Variants in PPIP5K2 observed in about 807,000 individuals in gnomAD.
PPIP5K2 encodes inositol hexakisphosphate and diphosphoinositol-pentakisphosphate kinase 2.
PPIP5K2 carries 105 observed loss-of-function variants against 154.6 expected under a neutral mutation model. The observed-to-expected ratio is 0.68, with a 90% CI of 0.58 to 0.80. The LOEUF is 0.80. Ranked by LOEUF, PPIP5K2 falls within the 30% of genes least tolerant of loss-of-function variation. PPIP5K2 has a pLI of 0.00. For missense variants in PPIP5K2, 992 were observed against 1,504.6 expected, an observed-to-expected ratio of 0.66 and a Z score of 5.64; for synonymous variants, 480 against 490.3, an observed-to-expected ratio of 0.98 and a Z score of 0.28.
chr5:103,173,771 T>A lies in PPIP5K2; in HGVS notation c.2415-87T>A, dbSNP rs75705921. ...TGTGGTCTTTTACTTCTAGTGAAAT[T>A]ACATTTAATTTTAGAAAATAATTTC... is the stretch of plus-strand genomic sequence containing the variant. On this transcript the variant is annotated intron_variant, in intron 20 of 30. Coordinates refer to ENST00000358359, the MANE Select transcript of PPIP5K2 (RefSeq NM_001276277.3). The A allele has an allele frequency of 1.4e-3, 1,244 of 900,428 alleles. 17 individuals are homozygous for A. In the African/African-American group the frequency reaches 0.018, roughly 13 times the overall value. The allele number at this position is 900,428 out of a possible 1,614,324, so 55.8% of individuals were successfully genotyped here.
At chr5:103,143,737 C>T (rs190908982) in intron 5 of PPIP5K2, among the ~76,000 whole-genome samples, 7 of 152,008 alleles carry the variant, frequency 4.6e-5, no homozygotes, top group Non-Finnish European at 7.4e-5. Context: ...ATTAAACATC[C>T]CTTCATGATA....
Position 103,177,692 on chromosome 5 carries a change from G to C in PPIP5K2, c.2555G>C (p.Arg852Pro). The C allele has an allele frequency of 6.2e-7, 1 of 1,609,910 alleles. No individual in the cohort carries two copies. Among genetic ancestry groups the C allele is most frequent in the Non-Finnish European group, 8.5e-7 (1 of 1,178,318 alleles). Residue 852 changes from arginine to proline, a missense_variant, in exon 22 of 31, where the codon CGA becomes CCA. Physicochemically the swap from Arg to Pro is moderately radical, Grantham distance 103. Transcript: ENST00000358359. ...CNESKDEQWK[R>P]AMDYLNVVNE... ...GAATCAAAGGATGAACAGTGGAAACGAGCTATGGATTATTTAAACGTTGTC... is the reference window on the plus strand; with the variant it reads ...GAATCAAAGGATGAACAGTGGAAACCAGCTATGGATTATTTAAACGTTGTC...
rs545121950 is a variant in PPIP5K2 at position 103,135,743 on chromosome 5, G to C, written c.311-989G>C. Among the ~76,000 whole-genome samples the C allele has an allele frequency of 7.9e-5, 12 of 152,148 alleles. No individual in the cohort carries two copies. In the East Asian group the frequency reaches 1.7e-3, roughly 22 times the overall value. ...TGCACCTGGCATTAGTGCCAATATA[G>C]AGAATAAAATACAATCATTAAAATT... On this transcript the variant is annotated intron_variant, in intron 3 of 30. Coordinates refer to ENST00000358359, the MANE Select transcript of PPIP5K2 (RefSeq NM_001276277.3).
At position 103,209,231 on chromosome 5, in the gene PPIP5K2, A is replaced by G. The variant is rs1311811938; in HGVS notation, c.*7597A>G. The G allele has an allele frequency of 3.9e-5, 6 of 152,174 alleles. No homozygotes were observed. The highest frequency in any genetic ancestry group is 1.4e-4 in the African/African-American group (6 of 41,448). The allele number at this position is 152,174 out of a possible 1,614,324, so 9.4% of individuals were successfully genotyped here. A position where few individuals can be genotyped will look rare whatever the true frequency, so the allele number is the denominator to read the frequency against. ...AGCATTTTTATAGTCAAAGATGTACAAGATAGCTCCTAATGCTCTTTTATG... is the reference window on the plus strand; with the variant it reads ...AGCATTTTTATAGTCAAAGATGTACGAGATAGCTCCTAATGCTCTTTTATG... On this transcript the variant is annotated 3_prime_UTR_variant, in exon 31 of 31. Transcript: ENST00000358359.
chr5:103,137,105 A>G (rs1791632926), intron 4 of PPIP5K2, among the ~76,000 whole-genome samples: 1 of 151,982 alleles, frequency 6.6e-6, no homozygotes, highest in Admixed American at 6.6e-5. Flanking sequence ...CAAACTTATG[A>G]GCACTTTTTC....
intron 21 of PPIP5K2, chr5:103,176,771 G>A: frequency 1.6e-6 from 1 of 633,668 alleles, no homozygotes; most frequent in Non-Finnish European, 2.6e-6. Flanking sequence ...GAGTAGTTTT[G>A]CCTTTTCAGA....
chr5:103,130,423 T>C (rs2149457997), intron 2 of PPIP5K2, among the ~76,000 whole-genome samples: 1 of 152,328 alleles, frequency 6.6e-6, no homozygotes, highest in African/African-American at 2.4e-5. Context: ...GTTTTTCATA[T>C]ATTTCTAATT....
At chr5:103,187,802 T>A (rs1800631254) in intron 28 of PPIP5K2, among the ~76,000 whole-genome samples, 1 of 152,162 alleles carries the variant, frequency 6.6e-6, no homozygotes, top group Non-Finnish European at 1.5e-5. Flanking sequence ...GAGCCACCCA[T>A]GTCAAATAGC....
rs1476264376 is a variant in PPIP5K2, at chr5:103,211,243, A to T, written c.*9609A>T. The T allele has an allele frequency of 6.6e-6, 1 of 152,076 alleles. No individual in the cohort carries two copies. The highest frequency in any genetic ancestry group is 2.4e-5 in the African/African-American group (1 of 41,412). 9.4% of individuals were successfully genotyped at this position (152,076 alleles called of 1,614,324 possible). A position where few individuals can be genotyped will look rare whatever the true frequency, so the allele number is the denominator to read the frequency against. On this transcript the variant is annotated 3_prime_UTR_variant, in exon 31 of 31. Transcript: ENST00000358359. ...CAATGCTGCAACCACAAATAAAAAC[A>T]TTACTTACCCTATGAGAAAGACTAG...
At chr5:103,173,502 G>A (rs782081756) in intron 20 of PPIP5K2, among the ~76,000 whole-genome samples, 4 of 151,912 alleles carry the variant, frequency 2.6e-5, no homozygotes, top group Non-Finnish European at 4.4e-5. Context: ...ATAGGTCATC[G>A]TTCACATGGA....
In PPIP5K2 at chr5:103,159,320, T is replaced by G; in HGVS notation, c.1912T>G (p.Tyr638Asp). The change falls in exon 17 of 31, where the codon TAT becomes GAT. Residue 638 changes from tyrosine (Y) to aspartate (D), a missense_variant. Physicochemically the swap from Tyr to Asp is radical, Grantham distance 160. Coordinates refer to ENST00000358359, the MANE Select transcript of PPIP5K2 (RefSeq NM_001276277.3). ...QKDRDFTAED[Y>D]EKLTPSGSIS... ...AGACAGAGATTTTACTGCTGAAGAT[T>G]ATGAAAAGGTGGGTCTTAGCAAACT... is the stretch of plus-strand genomic sequence containing the variant. The G allele has an allele frequency of 1.2e-6, 2 of 1,604,240 alleles. No individual in the cohort carries two copies. Among genetic ancestry groups the G allele is most frequent in the Non-Finnish European group, 1.7e-6 (2 of 1,176,702 alleles).
At chr5:103,190,421 A>G (rs1432997205) in intron 28 of PPIP5K2, among the ~76,000 whole-genome samples, 2 of 152,030 alleles carry the variant, frequency 1.3e-5, no homozygotes, top group East Asian at 1.9e-4. Flanking sequence ...AAGTAATTAT[A>G]TAATTTTTCA....
rs938716925 is a variant in PPIP5K2, at chr5:103,208,457, G to A, written c.*6823G>A. 6.6e-6 allele frequency: 1 copy of A among 152,128 alleles called. No individual in the cohort carries two copies. Among genetic ancestry groups the A allele is most frequent in the South Asian group, 2.1e-4 (1 of 4,834 alleles). The allele number at this position is 152,128 out of a possible 1,614,324, so 9.4% of individuals were successfully genotyped here. A position where few individuals can be genotyped will look rare whatever the true frequency, so the allele number is the denominator to read the frequency against. On this transcript the variant is annotated 3_prime_UTR_variant, in exon 31 of 31. Transcript: ENST00000358359. ...GTGAATCTCCTTATGACAGGATTGT[G>A]GGTCTGAGAGAGCTGTTGTAGCCTT...
intron 30 of PPIP5K2, among the ~76,000 whole-genome samples, chr5:103,200,365 G>T (rs1029915327): frequency 2.0e-5 from 3 of 151,720 alleles, no homozygotes; most frequent in Non-Finnish European, 4.4e-5. Context: ...GCATATTAGG[G>T]CCTGTCCTCA....
At chr5:103,139,700 A>G (rs1792225772) in intron 5 of PPIP5K2, among the ~76,000 whole-genome samples, 1 of 152,240 alleles carries the variant, frequency 6.6e-6, no homozygotes, top group South Asian at 2.1e-4. Context: ...CCAGTTACCA[A>G]TCCTGGAGTG....
At chr5:103,148,633 T>G (rs1385378161) in intron 7 of PPIP5K2, among the ~76,000 whole-genome samples, 1 of 152,172 alleles carries the variant, frequency 6.6e-6, no homozygotes, top group African/African-American at 2.4e-5. Context: ...TATTTCAGTC[T>G]GTCCTCTCTT....
chr5:103,190,705 A>T, intron 28 of PPIP5K2, 137 bp from the exon 29 acceptor site: 1 of 631,236 alleles, frequency 1.6e-6, no homozygotes, highest in Non-Finnish European at 2.4e-6. Context: ...TCATGACTTC[A>T]GAGATATTGT....
chr5:103,136,965 C>T (rs911599487), intron 4 of PPIP5K2, 143 bp downstream of exon 4: 23 of 651,192 alleles, frequency 3.5e-5, no homozygotes, highest in Non-Finnish European at 5.4e-5. Context: ...TTATTTATTA[C>T]CTAATTTTAC....
rs140784482 is a variant in PPIP5K2, at chr5:103,138,552, G to T, written c.487+83G>T. On this transcript the variant is annotated intron_variant, in intron 5 of 30. Transcript: ENST00000358359. ...CATTCTTACAATAATTAACTGGAAG[G>T]AATTTAAAGAATTCATAGTATTCTA... The T allele has an allele frequency of 5.5e-4, 425 of 773,670 alleles. 3 individuals are homozygous for T. In the East Asian group the frequency reaches 0.01, roughly 18 times the overall value. The allele number at this position is 773,670 out of a possible 1,614,324, so 47.9% of individuals were successfully genotyped here. A position where few individuals can be genotyped will look rare whatever the true frequency, so the allele number is the denominator to read the frequency against.
Sources: allele counts gnomAD v4.1 joint callset (sites outside exome capture counted in the v4.1 genomes callset), GRCh38; gene constraint gnomAD v4.1.1; transcripts MANE v1.5; gene names NCBI Gene and HGNC (gene_info 2026-07-23, HGNC 2026-07-21).